The following NFATC2 variants were observed in gnomAD, a reference collection of about 807,000 sequenced individuals.
The protein encoded by NFATC2 is nuclear factor of activated T-cells, cytoplasmic 2.
NFATC2 carries 22 observed loss-of-function variants against 87.3 expected under a neutral mutation model. The ratio of observed to expected loss-of-function variants is 0.25; its 90% CI spans 0.18 to 0.36. The LOEUF (loss-of-function observed/expected upper bound fraction) is 0.36, where lower values mean the gene tolerates loss of function less well. NFATC2 is among the 10% of genes least tolerant of loss of function. The pLI is 1.00. For missense variants in NFATC2, 1,149 were observed against 1,259.1 expected, an observed-to-expected ratio of 0.91 and a Z score of 1.32; for synonymous variants, 565 against 542.2, an observed-to-expected ratio of 1.04 and a Z score of -0.58.
chr20:51,480,504 T>A lies in NFATC2; in HGVS notation c.1333-4844A>T, dbSNP rs958762829. Among the ~76,000 whole-genome samples, 5 of 152,160 alleles carry A rather than the reference T, an allele frequency of 3.3e-5. No individual in the cohort carries two copies. Among genetic ancestry groups the A allele is most frequent in the Non-Finnish European group, 7.4e-5 (5 of 68,012 alleles). On this transcript the variant is annotated intron_variant, in intron 3 of 10. Transcript: ENST00000371564. The surrounding 1 kb of genome is among the most constrained non-coding windows in gnomAD (Gnocchi z 4.2). ...CTCTGGGTTGAGCTGGGCTGGCTTA[T>A]ACAATGTGAGCAGATAGAATCCACC...
chr20:51,502,642 T>C (rs1437063039), intron 3 of NFATC2, among the ~76,000 whole-genome samples: 1 of 152,194 alleles, frequency 6.6e-6, no homozygotes. Flanking sequence ...GGCCCTGCTG[T>C]ATCATTTTCT....
chr20:51,392,561 T>A (rs770085068), intron 10 of NFATC2, among the ~76,000 whole-genome samples: 1 of 152,220 alleles, frequency 6.6e-6, no homozygotes, highest in African/African-American at 2.4e-5. Context: ...CTAAGGTATG[T>A]CTACACCTTC....
chr20:51,388,164 G>T lies in NFATC2; in HGVS notation c.*3332C>A, dbSNP rs1352927061. Reference sequence around the variant, plus strand: ...CCCTTCTGTAAATATTAGCCTGAACGTTGAGTTCTGTGAACATGAATTCTT... The same window carrying T: ...CCCTTCTGTAAATATTAGCCTGAACTTTGAGTTCTGTGAACATGAATTCTT... On this transcript the variant is annotated 3_prime_UTR_variant, in exon 11 of 11. Transcript: ENST00000371564. 1 of 152,144 alleles carries T rather than the reference G, an allele frequency of 6.6e-6. No individual in the cohort carries two copies. Among genetic ancestry groups the T allele is most frequent in the Non-Finnish European group, 1.5e-5 (1 of 68,040 alleles). The allele number at this position is 152,144 out of a possible 1,614,324, so 9.4% of individuals were successfully genotyped here.
At chr20:51,514,600 C>T (rs527989681) in intron 3 of NFATC2, among the ~76,000 whole-genome samples, 10 of 152,260 alleles carry the variant, frequency 6.6e-5, no homozygotes, top group Non-Finnish European at 1.2e-4. Context: ...TGGCCAGGCA[C>T]GGTGGCTCAC....
At chr20:51,551,820 G>A (rs950047917) in intron 1 of NFATC2, among the ~76,000 whole-genome samples, 9 of 151,976 alleles carry the variant, frequency 5.9e-5, no homozygotes, top group South Asian at 2.1e-4. Flanking sequence ...GAGGTCAGGA[G>A]ATCAAGACCA....
chr20:51,557,954 G>C (rs2076992172), intron 1 of NFATC2, among the ~76,000 whole-genome samples: 2 of 152,212 alleles, frequency 1.3e-5, no homozygotes, highest in Non-Finnish European at 2.9e-5. Context: ...GATGCAAGCA[G>C]CACAGGACAG....
intron 2 of NFATC2, among the ~76,000 whole-genome samples, chr20:51,517,820 G>A (rs2076377794): frequency 6.6e-6 from 1 of 151,872 alleles, no homozygotes; most frequent in Non-Finnish European, 1.5e-5. Context: ...AGGAGGCTGA[G>A]GCATGAGAAT....
At chr20:51,542,278 G>T in intron 1 of NFATC2, 92 bp downstream of exon 1, 2 of 1,459,540 alleles carry the variant, frequency 1.4e-6, no homozygotes, top group African/African-American at 1.5e-5. Context: ...TAGGAAGGGG[G>T]ACGGCTGGAG....
chr20:51,475,771 G>T, intron 3 of NFATC2, 111 bp from the exon 4 acceptor site: 1 of 1,042,680 alleles, frequency 9.6e-7, no homozygotes, highest in Non-Finnish European at 1.4e-6. Context: ...TGGGATTTCT[G>T]CAGCATCTGG....
intron 3 of NFATC2, among the ~76,000 whole-genome samples, chr20:51,479,818 G>C (rs1204446130): frequency 6.6e-6 from 1 of 152,094 alleles, no homozygotes; most frequent in East Asian, 1.9e-4. Context: ...GTGAGCATAG[G>C]GCAGAGCCAG....
intron 1 of NFATC2, among the ~76,000 whole-genome samples, chr20:51,554,160 A>T (rs2076958191): frequency 6.6e-6 from 1 of 152,186 alleles, no homozygotes; most frequent in South Asian, 2.1e-4. Context: ...AAAGCACAAG[A>T]CATCGGCTGT....
At chr20:51,399,926 T>G (rs1324003399) in intron 9 of NFATC2, among the ~76,000 whole-genome samples, 2 of 152,194 alleles carry the variant, frequency 1.3e-5, no homozygotes, top group Non-Finnish European at 2.9e-5. Flanking sequence ...AATTTCAGAT[T>G]GCAATATCTA....
intron 9 of NFATC2, among the ~76,000 whole-genome samples, chr20:51,415,245 C>CA (rs33978165): frequency 0.35 from 48,422 of 136,546 alleles, 9,231 homozygotes; most frequent in African/African-American, 0.5. Flanking sequence ...GACCCTGTAT[C>CA]AAAAAAAAAA....
intron 5 of NFATC2, among the ~76,000 whole-genome samples, chr20:51,473,297 T>TA (rs897902115): frequency 6.6e-6 from 1 of 151,826 alleles, no homozygotes; most frequent in African/African-American, 2.4e-5. Context: ...TAGTGCAGGA[T>TA]AAAAAACAGA....
At chr20:51,539,845 C>T (rs1458694104) in intron 1 of NFATC2, among the ~76,000 whole-genome samples, 1 of 152,130 alleles carries the variant, frequency 6.6e-6, no homozygotes, top group Non-Finnish European at 1.5e-5. Context: ...GTGCTGCCTA[C>T]TTCTCAGCAA....
At chr20:51,488,583 A>T (rs1472927169) in intron 3 of NFATC2, among the ~76,000 whole-genome samples, 1 of 152,192 alleles carries the variant, frequency 6.6e-6, no homozygotes, top group Non-Finnish European at 1.5e-5. Context: ...TTAAGCTAAC[A>T]TTTATGAGGA....
At chr20:51,476,147 T>C (rs1289343607) in intron 3 of NFATC2, among the ~76,000 whole-genome samples, 2 of 150,416 alleles carry the variant, frequency 1.3e-5, no homozygotes, top group South Asian at 2.1e-4. Flanking sequence ...TATATATGTA[T>C]ACATGTGCCA....
intron 10 of NFATC2, among the ~76,000 whole-genome samples, chr20:51,393,291 A>G (rs1442044359): frequency 6.6e-6 from 1 of 152,012 alleles, no homozygotes; most frequent in Non-Finnish European, 1.5e-5. Flanking sequence ...CAGTTTCCTC[A>G]TCTGTAAATT....
chr20:51,503,744 A>ATCCTCTG (rs1186084772), intron 3 of NFATC2, among the ~76,000 whole-genome samples: 1 of 152,228 alleles, frequency 6.6e-6, no homozygotes, highest in East Asian at 1.9e-4. Context: ...GTAGCCAAAC[A>ATCCTCTG]CAGGGAGAGG....
Sources: gnomAD v4.1 joint callset for allele counts (sites outside exome capture counted in the v4.1 genomes callset) on GRCh38, gnomAD v4.1.1 for gene constraint, Gnocchi (gnomAD v3.1) non-coding constraint, MANE v1.5 for transcripts, NCBI Gene and HGNC (gene_info 2026-07-23, HGNC 2026-07-21) for gene names.